Variants in ARB2A observed in about 807,000 individuals in gnomAD.
ARB2A encodes ARB2 cotranscriptional regulator A.
the ARB2A span, among the ~76,000 whole-genome samples, chr5:93,641,503 T>C: frequency 6.6e-6 from 1 of 152,186 alleles, no homozygotes; most frequent in African/African-American, 2.4e-5. Flanking sequence ...TACTGAAAGA[T>C]GTCTTGAGTT....
chr5:93,782,392 AG>A, the ARB2A span, among the ~76,000 whole-genome samples: 5 of 152,182 alleles, frequency 3.3e-5, no homozygotes, highest in Non-Finnish European at 7.4e-5. Context: ...TGGCTTTTCC[AG>A]GATTATAAAT....
the ARB2A span, among the ~76,000 whole-genome samples, chr5:94,030,264 T>C: frequency 1.3e-5 from 2 of 152,224 alleles, no homozygotes; most frequent in Non-Finnish European, 2.9e-5. Context: ...ATTCCACTGG[T>C]TTCTCTGCTA....
chr5:93,869,052 A>C, the ARB2A span, among the ~76,000 whole-genome samples: 1 of 152,218 alleles, frequency 6.6e-6, no homozygotes, highest in Non-Finnish European at 1.5e-5. Context: ...ATTGGGCTCA[A>C]ATCTTGGTTT....
the ARB2A span, chr5:93,741,277 G>C: frequency 6.2e-7 from 1 of 1,613,690 alleles, no homozygotes; most frequent in African/African-American, 1.3e-5. Flanking sequence ...GGCGCCTTCG[G>C]AGGGGCGTCG....
chr5:93,783,643 C>T, the ARB2A span, among the ~76,000 whole-genome samples: 12 of 151,954 alleles, frequency 7.9e-5, no homozygotes, highest in South Asian at 2.1e-4. Context: ...TACTATGGCA[C>T]GGGGTGGCTG....
the ARB2A span, among the ~76,000 whole-genome samples, chr5:93,698,529 T>A: frequency 7.2e-5 from 11 of 152,096 alleles, no homozygotes; most frequent in East Asian, 3.9e-4. Context: ...AAGGTGATAT[T>A]TGAACAAAGA....
the ARB2A span, among the ~76,000 whole-genome samples, chr5:93,972,259 C>T: frequency 6.6e-6 from 1 of 152,072 alleles, no homozygotes; most frequent in Non-Finnish European, 1.5e-5. Flanking sequence ...AAATACACGA[C>T]CAATCAAAAT....
chr5:93,675,195 T>C, the ARB2A span, among the ~76,000 whole-genome samples: 3 of 152,174 alleles, frequency 2.0e-5, no homozygotes, highest in Admixed American at 2.0e-4. Flanking sequence ...GTTGAACTTA[T>C]TAAATCTCAT....
the ARB2A span, among the ~76,000 whole-genome samples, chr5:93,873,933 T>A: frequency 6.6e-6 from 1 of 152,180 alleles, no homozygotes; most frequent in African/African-American, 2.4e-5. Context: ...GGATGAATTC[T>A]ACTTTACTTT....
the ARB2A span, among the ~76,000 whole-genome samples, chr5:93,961,718 T>A: frequency 4.5e-4 from 68 of 150,964 alleles, no homozygotes; most frequent in Non-Finnish European, 7.4e-4. Context: ...AATCACATTT[T>A]AAAAAAAAAC....
chr5:94,036,761 AAGAT>A, the ARB2A span, among the ~76,000 whole-genome samples: 2 of 152,192 alleles, frequency 1.3e-5, no homozygotes, highest in Non-Finnish European at 2.9e-5. Flanking sequence ...CCAATAAGAC[AAGAT>A]ATCCCCATTT....
the ARB2A span, among the ~76,000 whole-genome samples, chr5:93,912,069 T>C: frequency 6.6e-6 from 1 of 151,850 alleles, no homozygotes; most frequent in East Asian, 1.9e-4. Flanking sequence ...GAGCTTAGTT[T>C]TCATGTTCAG....
chr5:93,919,331 T>C, the ARB2A span, among the ~76,000 whole-genome samples: 9 of 152,124 alleles, frequency 5.9e-5, no homozygotes, highest in Non-Finnish European at 2.9e-5. Context: ...CTAAAAATAA[T>C]TTATTTAATT....
the ARB2A span, among the ~76,000 whole-genome samples, chr5:93,785,403 T>C: frequency 6.6e-6 from 1 of 151,680 alleles, no homozygotes; most frequent in African/African-American, 2.4e-5. Context: ...AATTCTTTTA[T>C]TGAAAAAAAG....
At chr5:94,040,248 G>C in the ARB2A span, among the ~76,000 whole-genome samples, 1 of 152,166 alleles carries the variant, frequency 6.6e-6, no homozygotes, top group African/African-American at 2.4e-5. Flanking sequence ...GGCATGTACA[G>C]GATCGTGGGA....
At chr5:93,759,875 T>C in the ARB2A span, among the ~76,000 whole-genome samples, 1 of 152,230 alleles carries the variant, frequency 6.6e-6, no homozygotes, top group East Asian at 1.9e-4. Context: ...CTCTTCAACA[T>C]ACACTGGAAG....
the ARB2A span, among the ~76,000 whole-genome samples, chr5:93,901,213 C>A: frequency 6.6e-6 from 1 of 152,026 alleles, no homozygotes; most frequent in African/African-American, 2.4e-5. Context: ...TAAGCATGAA[C>A]AAAATTTTTT....
chr5:93,650,610 A>G, the ARB2A span, among the ~76,000 whole-genome samples: 1 of 152,164 alleles, frequency 6.6e-6, no homozygotes, highest in Admixed American at 6.5e-5. Flanking sequence ...ATTTGAAGAA[A>G]TTATACTCCT....
the ARB2A span, among the ~76,000 whole-genome samples, chr5:93,877,421 CTTG>C: frequency 2.0e-5 from 3 of 152,112 alleles, no homozygotes; most frequent in Non-Finnish European, 2.9e-5. Flanking sequence ...TAGGCCTAAT[CTTG>C]TTGTTTTGTT....
Sources: allele counts gnomAD v4.1 joint callset (sites outside exome capture counted in the v4.1 genomes callset), GRCh38; gene constraint gnomAD v4.1.1; transcripts MANE v1.5; gene names NCBI Gene and HGNC (gene_info 2026-07-23, HGNC 2026-07-21).